Variants in RBFOX1 observed in about 807,000 individuals in gnomAD.
The protein encoded by RBFOX1 is RNA binding protein fox-1 homolog 1.
In RBFOX1, 8 loss-of-function variants were observed where a neutral mutation model predicts 57.7. The observed-to-expected ratio is 0.14, with a 90% confidence interval of 0.08 to 0.25. The LOEUF is 0.25. RBFOX1 is among the 10% of genes least tolerant of loss of function. The probability of loss-of-function intolerance (pLI) is 1.00; values close to 1 mark genes in which losing one functional copy is unlikely to be tolerated. For synonymous variants in RBFOX1, 326 were observed against 222.4 expected (o/e 1.47, Z -4.15); for missense variants, 611 against 548.5 (o/e 1.11, Z -1.14).
rs568158778 is a variant in RBFOX1, at chr16:7,157,140, C to T, written c.27+105042C>T. Among the ~76,000 whole-genome samples the T allele has an allele frequency of 5.3e-5, 8 of 152,270 alleles. No homozygotes were observed. The South Asian group carries it at 1.7e-3, about 32-fold the overall frequency. Reference sequence around the variant, plus strand: ...GAGAAAGCAATCGTATTCTCATTGGCACAGGATAAGGGAAGCAAACTCACC... The same window carrying T: ...GAGAAAGCAATCGTATTCTCATTGGTACAGGATAAGGGAAGCAAACTCACC... On this transcript the variant is annotated intron_variant, in intron 4 of 15. Coordinates refer to ENST00000550418, the MANE Select transcript of RBFOX1 (RefSeq NM_018723.4).
At chr16:6,603,745 C>T (rs1449398899) in intron 2 of RBFOX1, among the ~76,000 whole-genome samples, 1 of 152,210 alleles carries the variant, frequency 6.6e-6, no homozygotes, top group Admixed American at 6.5e-5. Context: ...TGCTGGACAT[C>T]AGGATGGCCT....
intron 1 of RBFOX1, among the ~76,000 whole-genome samples, chr16:5,373,083 A>T (rs977405822): frequency 6.6e-6 from 1 of 152,216 alleles, no homozygotes; most frequent in African/African-American, 2.4e-5. Flanking sequence ...GTGGGAACCC[A>T]CAGAAGGCAG....
At chr16:5,694,564 C>G (rs1160269965) in intron 3 of RBFOX1, among the ~76,000 whole-genome samples, 2 of 152,146 alleles carry the variant, frequency 1.3e-5, no homozygotes, top group African/African-American at 4.8e-5. Flanking sequence ...TTGCTGTACT[C>G]TAGCTTTTCC....
rs2057324183 is a variant in RBFOX1 at position 6,853,943 on chromosome 16, T to C, written c.-15-198114T>C. ...CTTCCTGGGTAGTAGCCTGCATGTC[T>C]AGGTAACTTTTATTTTTTCAGACAG... On this transcript the variant is annotated intron_variant, in intron 3 of 15. Transcript: ENST00000550418. Among the ~76,000 whole-genome samples the C allele has an allele frequency of 2.6e-5, 4 of 152,296 alleles. No homozygotes were observed. In the South Asian group the frequency reaches 8.3e-4, roughly 32 times the overall value.
At chr16:6,685,691 A>G (rs1047000400) in intron 3 of RBFOX1, among the ~76,000 whole-genome samples, 1 of 152,272 alleles carries the variant, frequency 6.6e-6, no homozygotes, top group East Asian at 1.9e-4. Flanking sequence ...AATATAAAAA[A>G]GGAGAAAAAC....
chr16:6,299,728 C>T (rs1291848134), intron 1 of RBFOX1, among the ~76,000 whole-genome samples: 2 of 152,122 alleles, frequency 1.3e-5, no homozygotes, highest in Admixed American at 6.5e-5. Flanking sequence ...TGGCCAAAAG[C>T]GTGGACTCTG....
chr16:6,513,666 G>A (rs943247956), intron 2 of RBFOX1, among the ~76,000 whole-genome samples: 3 of 152,076 alleles, frequency 2.0e-5, no homozygotes, highest in East Asian at 1.9e-4. Flanking sequence ...CTTGGGAGGC[G>A]GAGGTTGTAG....
At chr16:6,755,078 G>C (rs917545304) in intron 3 of RBFOX1, among the ~76,000 whole-genome samples, 14 of 152,210 alleles carry the variant, frequency 9.2e-5, no homozygotes, top group African/African-American at 2.2e-4. Flanking sequence ...TGTATATGTT[G>C]CACATTTTCT....
intron 3 of RBFOX1, among the ~76,000 whole-genome samples, chr16:6,917,565 C>A (rs114759393): frequency 6.6e-6 from 1 of 152,186 alleles, no homozygotes; most frequent in Admixed American, 6.6e-5. Context: ...CTAAGTGTCT[C>A]CTTCTTCTGA....
chr16:7,373,364 C>T (rs796331391), intron 4 of RBFOX1, among the ~76,000 whole-genome samples: 11 of 152,250 alleles, frequency 7.2e-5, no homozygotes, highest in African/African-American at 2.6e-4. Flanking sequence ...TGAAGCAAAG[C>T]TACAGGTACT....
chr16:5,713,790 A>T (rs2051582294), intron 3 of RBFOX1, among the ~76,000 whole-genome samples: 1 of 152,160 alleles, frequency 6.6e-6, no homozygotes. Context: ...GATTTTGCCC[A>T]AGTCGATAAG....
intron 2 of RBFOX1, among the ~76,000 whole-genome samples, chr16:6,551,294 C>T (rs925345321): frequency 6.6e-6 from 1 of 152,134 alleles, no homozygotes. Flanking sequence ...ATGGTTGGAG[C>T]TTTGCTACTG....
intron 1 of RBFOX1, among the ~76,000 whole-genome samples, chr16:6,071,051 G>A (rs145312401): frequency 7.6e-4 from 116 of 152,232 alleles, no homozygotes; most frequent in African/African-American, 2.7e-3. Context: ...GGCTGGGTGC[G>A]GTGGTTCATG....
At chr16:5,371,662 C>T (rs1198437210) in intron 1 of RBFOX1, among the ~76,000 whole-genome samples, 7 of 152,190 alleles carry the variant, frequency 4.6e-5, no homozygotes, top group African/African-American at 1.7e-4. Context: ...GCAATTCACG[C>T]ACTTCTCTTT....
Position 5,516,195 on chromosome 16 carries a change from G to A in RBFOX1, c.258+48941G>A, listed in dbSNP as rs183905312. On this transcript the variant is annotated intron_variant, in intron 2 of 2. Coordinates refer to the RBFOX1 transcript ENST00000585867. ...AAGGGAGTCAAGCTTGATGGAAAAT[G>A]AATAGGCTGTAAAATCAGATCAACT... Among the ~76,000 whole-genome samples the A allele has an allele frequency of 6.2e-3, 948 of 152,302 alleles. 6 individuals carry two copies. The highest frequency in any genetic ancestry group is 0.021 in the African/African-American group (887 of 41,562).
intron 2 of RBFOX1, among the ~76,000 whole-genome samples, chr16:6,595,142 G>A (rs1311145982): frequency 1.3e-5 from 2 of 152,050 alleles, no homozygotes; most frequent in Admixed American, 6.6e-5. Flanking sequence ...CACCATCAGC[G>A]CATTCTAAAT....
At chr16:5,792,540 C>T (rs746442232) in intron 3 of RBFOX1, among the ~76,000 whole-genome samples, 2 of 152,164 alleles carry the variant, frequency 1.3e-5, no homozygotes, top group Non-Finnish European at 2.9e-5. Flanking sequence ...AAGAAAATGG[C>T]ATTAAGAATA....
intron 2 of RBFOX1, among the ~76,000 whole-genome samples, chr16:6,618,915 C>T (rs769891316): frequency 1.4e-4 from 22 of 152,184 alleles, no homozygotes; most frequent in Middle Eastern, 3.4e-3. Flanking sequence ...CAGGGCCATC[C>T]GTAAAAACAG....
chr16:6,024,087 C>T (rs558716022), intron 1 of RBFOX1, among the ~76,000 whole-genome samples: 48 of 152,272 alleles, frequency 3.2e-4, no homozygotes, highest in Non-Finnish European at 5.7e-4. Context: ...TCATTGTGAG[C>T]ACTGTCACTC....
Sources: gnomAD v4.1 joint callset for allele counts (sites outside exome capture counted in the v4.1 genomes callset) on GRCh38, gnomAD v4.1.1 for gene constraint, MANE v1.5 for transcripts, NCBI Gene and HGNC (gene_info 2026-07-23, HGNC 2026-07-21) for gene names.